Variants in EYS observed in about 807,000 individuals in gnomAD.
EYS encodes the protein EGF-like photoreceptor maintenance factor.
Under a neutral mutation model 282.1 loss-of-function variants are expected in EYS, and 250 were observed. The observed-to-expected ratio is 0.89, with a 90% CI of 0.80 to 0.98. EYS has a LOEUF of 0.98. Among genes scored for constraint, EYS ranks in the 50% least tolerant of loss-of-function variants. The pLI, the probability that EYS is intolerant of heterozygous loss-of-function variation, is 0.00. For synonymous variants in EYS, 1,355 were observed against 1,282.9 expected (o/e 1.06, Z -1.20); for missense variants, 4,016 against 3,709.0 (o/e 1.08, Z -2.15).
In EYS at chr6:65,451,425, C is replaced by T. The variant is rs191114253; in HGVS notation, c.862+39169G>A. Among the ~76,000 whole-genome samples the T allele has an allele frequency of 3.5e-4, 53 of 152,122 alleles. 1 individual carries two copies. In the East Asian group the frequency reaches 7.0e-3, roughly 20 times the overall value. On this transcript the variant is annotated intron_variant, in intron 5 of 42. Transcript: ENST00000503581. ...AATGCATTATTTGACACTCTAGTAA[C>T]GACTCAGATGCCCCTTTAGCATCTA...
intron 1 of EYS, among the ~76,000 whole-genome samples, chr6:65,659,586 A>G (rs749005364): frequency 2.6e-5 from 4 of 151,720 alleles, no homozygotes; most frequent in Non-Finnish European, 4.4e-5. Flanking sequence ...GAGCTGATAA[A>G]AGTTAAAAGA....
chr6:63,850,908 G>C (rs1581892940), intron 36 of EYS, among the ~76,000 whole-genome samples: 1 of 152,276 alleles, frequency 6.6e-6, no homozygotes, highest in African/African-American at 2.4e-5. Context: ...AGACCCCTTG[G>C]TGTGTTGTAT....
chr6:65,670,157 C>A (rs1230466458), intron 1 of EYS, among the ~76,000 whole-genome samples: 1 of 152,040 alleles, frequency 6.6e-6, no homozygotes. Flanking sequence ...AGGGCCATTT[C>A]TCTCTGTCCT....
At chr6:64,680,214 A>C (rs1769851311) in intron 22 of EYS, among the ~76,000 whole-genome samples, 1 of 152,204 alleles carries the variant, frequency 6.6e-6, no homozygotes, top group Non-Finnish European at 1.5e-5. Context: ...CAATGGGAAC[A>C]GACTGCCTTA....
intron 28 of EYS, among the ~76,000 whole-genome samples, chr6:64,416,518 C>CTTTTTTTTTTTTTTTTTTTTTTTTTTT (rs371267333): frequency 7.2e-6 from 1 of 139,826 alleles, no homozygotes; most frequent in Non-Finnish European, 1.5e-5. Context: ...GCCGTTAGGT[C>CTTTTTTTTTTTTTTTTTTTTTTTTTTT]TTTTTTTTTT....
intron 22 of EYS, among the ~76,000 whole-genome samples, chr6:64,776,070 C>T (rs560272598): frequency 5.9e-5 from 9 of 152,102 alleles, no homozygotes; most frequent in South Asian, 2.1e-4. Flanking sequence ...TAAATCAAAA[C>T]GGGCTGCTGA....
rs559351184 is a variant in EYS at position 64,310,913 on chromosome 6, TAAA to T, written c.6079-3834_6079-3832del. Among the ~76,000 whole-genome samples, 1,316 of 152,242 alleles carry T rather than the reference TAAA, an allele frequency of 8.6e-3. 26 individuals carry two copies. The highest frequency in any genetic ancestry group is 0.029 in the African/African-American group (1,207 of 41,566). ...AAAGTATAATTTAAAAGCTCAAAGT[TAAA>T]AATCAAAAGAACAAATTTTCTGTAA... On this transcript the variant is annotated intron_variant, in intron 29 of 42. Coordinates refer to ENST00000503581, the MANE Select transcript of EYS (RefSeq NM_001142800.2).
Position 64,346,674 on chromosome 6 carries a change from C to T in EYS, c.6079-39592G>A, listed in dbSNP as rs560804290. On this transcript the variant is annotated intron_variant, in intron 29 of 42. Transcript: ENST00000503581. ...ATATGTAACAAACCTGCACGTTGGGCGCATGTACCCTAAAACTTAAAGTAT... is the reference window on the plus strand; with the variant it reads ...ATATGTAACAAACCTGCACGTTGGGTGCATGTACCCTAAAACTTAAAGTAT... Among the ~76,000 whole-genome samples, 7 of 151,438 alleles carry T rather than the reference C, an allele frequency of 4.6e-5. No individual in the cohort carries two copies. The South Asian group carries it at 6.2e-4, about 14-fold the overall frequency.
At chr6:63,902,738 A>C (rs1773686791) in intron 35 of EYS, among the ~76,000 whole-genome samples, 1 of 152,144 alleles carries the variant, frequency 6.6e-6, no homozygotes, top group Non-Finnish European at 1.5e-5. Flanking sequence ...TAATATAAAA[A>C]ATCCAAAAGG....
intron 2 of EYS, among the ~76,000 whole-genome samples, chr6:65,513,084 G>T (rs1205332303): frequency 6.6e-6 from 1 of 152,042 alleles, no homozygotes; most frequent in Non-Finnish European, 1.5e-5. Context: ...TCAAATAGAT[G>T]CAATAAAAAA....
At chr6:65,145,170 A>C (rs561063167) in intron 12 of EYS, among the ~76,000 whole-genome samples, 4 of 152,134 alleles carry the variant, frequency 2.6e-5, no homozygotes, top group Admixed American at 2.6e-4. Flanking sequence ...CCATTGGAAA[A>C]TTGTTCACAG....
chr6:64,397,049 T>C (rs1441701850), intron 28 of EYS, among the ~76,000 whole-genome samples: 6 of 152,130 alleles, frequency 3.9e-5, no homozygotes, highest in Non-Finnish European at 8.8e-5. Context: ...ATTATTGATA[T>C]TTTGTATAGT....
chr6:64,510,058 G>T (rs941315324), intron 26 of EYS, among the ~76,000 whole-genome samples: 5 of 152,002 alleles, frequency 3.3e-5, no homozygotes, highest in Non-Finnish European at 5.9e-5. Context: ...GCAGCAAATG[G>T]TTGCATATTG....
chr6:64,903,832 G>A (rs969348721), intron 16 of EYS, among the ~76,000 whole-genome samples: 2 of 151,974 alleles, frequency 1.3e-5, no homozygotes, highest in South Asian at 2.1e-4. Flanking sequence ...CCTGCCTCCC[G>A]TTGCAATTTA....
At chr6:64,606,785 G>T (rs1562088805) in intron 24 of EYS, among the ~76,000 whole-genome samples, 1 of 152,114 alleles carries the variant, frequency 6.6e-6, no homozygotes, top group Admixed American at 6.6e-5. Context: ...CCTTACTTGG[G>T]AATTCAAGTG....
chr6:65,292,106 A>G (rs1351050654), intron 12 of EYS, among the ~76,000 whole-genome samples: 1 of 151,704 alleles, frequency 6.6e-6, no homozygotes, highest in Non-Finnish European at 1.5e-5. Context: ...GAAGACTACA[A>G]TATCATGGCG....
intron 15 of EYS, among the ~76,000 whole-genome samples, chr6:64,939,600 T>C (rs1769020929): frequency 6.6e-6 from 1 of 152,018 alleles, no homozygotes; most frequent in Non-Finnish European, 1.5e-5. Context: ...TTGAGTCCTC[T>C]CATTTTGTTG....
chr6:64,405,266 GA>G (rs1773669403), intron 28 of EYS, among the ~76,000 whole-genome samples: 1 of 152,104 alleles, frequency 6.6e-6, no homozygotes, highest in African/African-American at 2.4e-5. Context: ...GGAGACTTGG[GA>G]AATTAGAACA....
At chr6:63,977,461 T>C (rs1305466477) in intron 35 of EYS, among the ~76,000 whole-genome samples, 2 of 152,094 alleles carry the variant, frequency 1.3e-5, no homozygotes, top group Non-Finnish European at 2.9e-5. Context: ...CCAAAGGAAA[T>C]TGTGAGAAAT....
Sources: allele counts gnomAD v4.1 joint callset (sites outside exome capture counted in the v4.1 genomes callset), GRCh38; gene constraint gnomAD v4.1.1; transcripts MANE v1.5; gene names NCBI Gene and HGNC (gene_info 2026-07-23, HGNC 2026-07-21).